PCDH15: variants seen among roughly 807,000 people sequenced by gnomAD.
PCDH15 encodes protocadherin-15.
In PCDH15, 129 loss-of-function variants were observed where a neutral mutation model predicts 178.5. The observed-to-expected ratio is 0.72, with a 90% confidence interval of 0.63 to 0.84. The LOEUF (loss-of-function observed/expected upper bound fraction) is 0.84, where lower values mean the gene tolerates loss of function less well. Among genes scored for constraint, PCDH15 ranks in the 40% least tolerant of loss-of-function variants. The pLI, the probability that PCDH15 is intolerant of heterozygous loss-of-function variation, is 0.00. For missense variants in PCDH15, 2,230 were observed against 2,099.9 expected, an observed-to-expected ratio of 1.06 and a Z score of -1.21; for synonymous variants, 800 against 732.0, an observed-to-expected ratio of 1.09 and a Z score of -1.50.
chr10:55,130,723 G>GTGTGTA (rs1554833586), intron 2 of PCDH15, among the ~76,000 whole-genome samples: 35 of 150,458 alleles, frequency 2.3e-4, no homozygotes, highest in African/African-American at 8.1e-4. Context: ...GTGTGTGTGT[G>GTGTGTA]TGTATATACA....
At chr10:53,992,174 A>G (rs2134828057) in intron 21 of PCDH15, among the ~76,000 whole-genome samples, 1 of 152,194 alleles carries the variant, frequency 6.6e-6, no homozygotes, top group East Asian at 1.9e-4. Flanking sequence ...TGCTGCCTTA[A>G]GAGCTGTAAC....
At chr10:54,672,200 T>C (rs1229784600) in intron 1 of PCDH15, among the ~76,000 whole-genome samples, 1 of 151,696 alleles carries the variant, frequency 6.6e-6, no homozygotes, top group Non-Finnish European at 1.5e-5. Flanking sequence ...GTGAGTTGTA[T>C]GATTATATCA....
chr10:54,392,898 CA>C (rs35154394), intron 3 of PCDH15, among the ~76,000 whole-genome samples: 16,808 of 72,316 alleles, frequency 0.23, 1,831 homozygotes, highest in African/African-American at 0.44. Flanking sequence ...GACTCAGGCT[CA>C]AAAAAAAAAA....
intron 2 of PCDH15, among the ~76,000 whole-genome samples, chr10:55,036,599 C>T (rs1840742226): frequency 6.6e-6 from 1 of 152,108 alleles, no homozygotes; most frequent in Non-Finnish European, 1.5e-5. Context: ...CTCAGCCACT[C>T]CTTCTCAAGT....
At chr10:55,218,472 C>T (rs1386511168) in intron 1 of PCDH15, among the ~76,000 whole-genome samples, 1 of 151,958 alleles carries the variant, frequency 6.6e-6, no homozygotes, top group Admixed American at 6.6e-5. Context: ...GACTCTTTTT[C>T]TGGAAACAGC....
intron 2 of PCDH15, chr10:55,597,284 A>C (rs771708584): frequency 3.3e-5 from 5 of 152,038 alleles, no homozygotes; most frequent in Non-Finnish European, 5.9e-5. Context: ...GTTCACGCAC[A>C]CGTACGTTCA....
intron 2 of PCDH15, among the ~76,000 whole-genome samples, chr10:55,067,801 T>C (rs981070446): frequency 3.2e-4 from 48 of 152,048 alleles, no homozygotes; most frequent in African/African-American, 9.4e-4. Flanking sequence ...GGTAAGATTA[T>C]ATTTTATTGT....
At chr10:54,481,385 C>T (rs1324531239) in intron 3 of PCDH15, among the ~76,000 whole-genome samples, 6 of 151,694 alleles carry the variant, frequency 4.0e-5, no homozygotes, top group Non-Finnish European at 5.9e-5. Context: ...ATATTTCTTA[C>T]ATAACAAATG....
chr10:54,075,985 T>C (rs1369985886), intron 17 of PCDH15, among the ~76,000 whole-genome samples: 1 of 152,178 alleles, frequency 6.6e-6, no homozygotes, highest in Non-Finnish European at 1.5e-5. Context: ...AAAAAATTAT[T>C]TCTACAAATA....
intron 1 of PCDH15, among the ~76,000 whole-genome samples, chr10:55,216,262 AT>A (rs1840699539): frequency 6.6e-6 from 1 of 151,980 alleles, no homozygotes; most frequent in Non-Finnish European, 1.5e-5. Flanking sequence ...AAATAACTAA[AT>A]GTGTGGTGGT....
intron 1 of PCDH15, among the ~76,000 whole-genome samples, chr10:54,726,675 G>A (rs1057336936): frequency 6.6e-6 from 1 of 151,212 alleles, no homozygotes; most frequent in Non-Finnish European, 1.5e-5. Context: ...TGACATAAGA[G>A]CTGAAAGACA....
chr10:54,973,562 T>C (rs1838990145), intron 2 of PCDH15, among the ~76,000 whole-genome samples: 1 of 152,212 alleles, frequency 6.6e-6, no homozygotes, highest in African/African-American at 2.4e-5. Context: ...CTTGCAGTAG[T>C]TTCAGAATTG....
intron 2 of PCDH15, among the ~76,000 whole-genome samples, chr10:54,978,610 G>A (rs969145896): frequency 4.6e-5 from 7 of 151,944 alleles, no homozygotes; most frequent in African/African-American, 1.5e-4. Flanking sequence ...TTTTTAAGTG[G>A]GTCTATCTCT....
chr10:54,006,636 G>T (rs1299858206), intron 20 of PCDH15, among the ~76,000 whole-genome samples: 1 of 152,144 alleles, frequency 6.6e-6, no homozygotes, highest in Admixed American at 6.5e-5. Flanking sequence ...TGCCTCTCAG[G>T]TGTCCACGGT....
chr10:54,953,050 A>T (rs1283263370), intron 2 of PCDH15, among the ~76,000 whole-genome samples: 1 of 151,614 alleles, frequency 6.6e-6, no homozygotes, highest in Non-Finnish European at 1.5e-5. Context: ...TTGAAAGAGG[A>T]TATTCTTACC....
At chr10:55,573,013 C>A (rs1047916353) in intron 2 of PCDH15, among the ~76,000 whole-genome samples, 1 of 151,962 alleles carries the variant, frequency 6.6e-6, no homozygotes, top group Non-Finnish European at 1.5e-5. Flanking sequence ...GTTATATTTA[C>A]TCTATTAGAC....
intron 1 of PCDH15, among the ~76,000 whole-genome samples, chr10:55,312,776 C>T (rs1040650793): frequency 4.6e-5 from 7 of 152,094 alleles, no homozygotes; most frequent in African/African-American, 1.7e-4. Context: ...CACCACCATG[C>T]CCAGCTAATT....
intron 1 of PCDH15, among the ~76,000 whole-genome samples, chr10:54,701,439 T>A (rs1446315756): frequency 1.3e-5 from 2 of 152,066 alleles, no homozygotes; most frequent in African/African-American, 2.4e-5. Flanking sequence ...TAAAGGATCA[T>A]ATCTGCACAT....
At position 54,403,376 on chromosome 10, in the gene PCDH15, T is replaced by C. The variant is rs574173058; in HGVS notation, c.158-24434A>G. Among the ~76,000 whole-genome samples the C allele has an allele frequency of 3.9e-5, 6 of 152,160 alleles. No individual in the cohort carries two copies. In the East Asian group the frequency reaches 1.2e-3, roughly 30 times the overall value. Reference sequence around the variant, plus strand: ...ACATCAATAGATGCAGGAAAGGCTTTCGATAAAATTCAACACACATTCATG... The same window carrying C: ...ACATCAATAGATGCAGGAAAGGCTTCCGATAAAATTCAACACACATTCATG... On this transcript the variant is annotated intron_variant, in intron 3 of 37. Coordinates refer to ENST00000644397, the MANE Select transcript of PCDH15 (RefSeq NM_001384140.1).
Sources: allele counts gnomAD v4.1 joint callset (sites outside exome capture counted in the v4.1 genomes callset), GRCh38; gene constraint gnomAD v4.1.1; transcripts MANE v1.5; gene names NCBI Gene and HGNC (gene_info 2026-07-23, HGNC 2026-07-21).